The following PITPNC1 variants were observed in gnomAD, a reference collection of about 807,000 sequenced individuals.
PITPNC1 encodes the protein cytoplasmic phosphatidylinositol transfer protein 1.
A neutral mutation model predicts 44.7 loss-of-function variants in PITPNC1; 18 were observed. The observed-to-expected ratio is 0.40, with a 90% confidence interval of 0.28 to 0.60. PITPNC1 has a LOEUF of 0.60. PITPNC1 is among the 20% of genes least tolerant of loss of function. The pLI is 0.39. For synonymous variants in PITPNC1, 141 were observed against 149.6 expected (o/e 0.94, Z 0.42); for missense variants, 290 against 418.4 (o/e 0.69, Z 2.68).
intron 5 of PITPNC1, among the ~76,000 whole-genome samples, chr17:67,618,589 A>G (rs190305818): frequency 1.5e-3 from 234 of 151,794 alleles, no homozygotes; most frequent in African/African-American, 5.2e-3. Context: ...CGGCTCTACT[A>G]AAAATACAAA....
intron 4 of PITPNC1, among the ~76,000 whole-genome samples, chr17:67,575,794 CCTT>C (rs1301468222): frequency 0.052 from 907 of 17,308 alleles, 17 homozygotes; most frequent in African/African-American, 0.12. Context: ...TTCTTTCTTT[CCTT>C]CTTTCTTTCT....
At chr17:67,609,569 C>T (rs1036611873) in intron 5 of PITPNC1, among the ~76,000 whole-genome samples, 9 of 151,962 alleles carry the variant, frequency 5.9e-5, no homozygotes, top group Non-Finnish European at 1.2e-4. Flanking sequence ...GGTTTATAGG[C>T]GTGAACCACC....
intron 1 of PITPNC1, among the ~76,000 whole-genome samples, chr17:67,449,756 A>G (rs1217674103): frequency 6.6e-6 from 1 of 152,236 alleles, no homozygotes; most frequent in Non-Finnish European, 1.5e-5. Flanking sequence ...ACGAAAGCTA[A>G]TTTATCTTTT....
intron 1 of PITPNC1, among the ~76,000 whole-genome samples, chr17:67,402,630 A>G (rs2143824203): frequency 1.3e-5 from 2 of 152,266 alleles, no homozygotes; most frequent in South Asian, 4.1e-4. Flanking sequence ...AATGAATGGC[A>G]TCCACTAGTT....
At chr17:67,682,158 G>A (rs190112323) in intron 8 of PITPNC1, among the ~76,000 whole-genome samples, 41 of 151,948 alleles carry the variant, frequency 2.7e-4, no homozygotes, top group Admixed American at 5.2e-4. Context: ...CCGAGATGGC[G>A]CCACTGCACT....
intron 1 of PITPNC1, among the ~76,000 whole-genome samples, chr17:67,385,718 G>C (rs2038036969): frequency 6.7e-6 from 1 of 150,290 alleles, no homozygotes. Context: ...GGACAGTGGA[G>C]GTTTGGCTAG....
intron 1 of PITPNC1, among the ~76,000 whole-genome samples, chr17:67,396,366 A>C (rs186833957): frequency 2.6e-4 from 40 of 151,586 alleles, no homozygotes; most frequent in Admixed American, 6.6e-4. Context: ...TTTTATTTTT[A>C]TTTTTCTTTC....
At chr17:67,559,332 T>C (rs1257900686) in intron 4 of PITPNC1, among the ~76,000 whole-genome samples, 1 of 152,214 alleles carries the variant, frequency 6.6e-6, no homozygotes, top group African/African-American at 2.4e-5. Context: ...GGCTATCTCA[T>C]CTACGATGTA....
Position 67,593,073 on chromosome 17 carries a change from C to G in PITPNC1, c.366+14816C>G, listed in dbSNP as rs118121027. 5.7e-3 allele frequency among the ~76,000 whole-genome samples: 873 copies of G among 152,232 alleles called. 4 individuals are homozygous for G. The highest frequency in any genetic ancestry group is 1.0e-2 in the Non-Finnish European group (679 of 68,008). ...GAAAGAAAAGAATGGATCCCTACCT[C>G]ACTCCATATTCAAAAATAAATTCCA... On this transcript the variant is annotated intron_variant, in intron 5 of 8. Transcript: ENST00000581322.
At chr17:67,422,899 G>C (rs1306631980) in intron 1 of PITPNC1, among the ~76,000 whole-genome samples, 1 of 152,018 alleles carries the variant, frequency 6.6e-6, no homozygotes, top group Non-Finnish European at 1.5e-5. Flanking sequence ...CAGTGTCTTT[G>C]GTGTGATATA....
At chr17:67,502,833 C>T (rs1598749595) in intron 1 of PITPNC1, among the ~76,000 whole-genome samples, 1 of 150,074 alleles carries the variant, frequency 6.7e-6, no homozygotes, top group African/African-American at 2.5e-5. Flanking sequence ...TGCTCTGTCA[C>T]CCAGGCTGGA....
chr17:67,400,399 A>T (rs2038289978), intron 1 of PITPNC1, among the ~76,000 whole-genome samples: 1 of 152,232 alleles, frequency 6.6e-6, no homozygotes, highest in Non-Finnish European at 1.5e-5. Flanking sequence ...CCAAAATAAC[A>T]GCCTAACAGG....
rs147917014 is a variant in PITPNC1, at chr17:67,559,529, A to G, written c.294+5912A>G. ...GACCAGGCCAAAGAAACAGTCCTCC[A>G]GTTGGGGGCACTGATGAGCAAGGCA... On this transcript the variant is annotated intron_variant, in intron 4 of 8. Transcript: ENST00000581322. Among the ~76,000 whole-genome samples, 734 of 152,314 alleles carry G rather than the reference A, an allele frequency of 4.8e-3. 7 individuals carry two copies. The highest frequency in any genetic ancestry group is 0.017 in the African/African-American group (692 of 41,564).
At chr17:67,660,366 C>G (rs894506502) in intron 6 of PITPNC1, among the ~76,000 whole-genome samples, 1 of 152,162 alleles carries the variant, frequency 6.6e-6, no homozygotes, top group Non-Finnish European at 1.5e-5. Flanking sequence ...CATGTTGTCT[C>G]TGCCCTGGAC....
chr17:67,599,396 G>A (rs1176348132), intron 5 of PITPNC1, among the ~76,000 whole-genome samples: 2 of 152,048 alleles, frequency 1.3e-5, no homozygotes, highest in Non-Finnish European at 2.9e-5. Context: ...GAGAACAGAG[G>A]ATATTACCCA....
At chr17:67,593,977 C>T (rs1219992432) in intron 5 of PITPNC1, among the ~76,000 whole-genome samples, 1 of 152,114 alleles carries the variant, frequency 6.6e-6, no homozygotes, top group African/African-American at 2.4e-5. Flanking sequence ...GTGGATGGTG[C>T]CTTGGTGGGT....
At chr17:67,571,481 C>A (rs1368787832) in intron 4 of PITPNC1, among the ~76,000 whole-genome samples, 2 of 152,186 alleles carry the variant, frequency 1.3e-5, no homozygotes. Flanking sequence ...TGTTATCTTG[C>A]AGTTTCCATG....
At chr17:67,391,867 AGAG>A (rs2038143884) in intron 1 of PITPNC1, among the ~76,000 whole-genome samples, 1 of 152,194 alleles carries the variant, frequency 6.6e-6, no homozygotes, top group Admixed American at 6.6e-5. Context: ...TGTCCCAGTA[AGAG>A]AAGAAAGTGG....
At chr17:67,405,048 G>C (rs1337307063) in intron 1 of PITPNC1, among the ~76,000 whole-genome samples, 1 of 151,924 alleles carries the variant, frequency 6.6e-6, no homozygotes, top group African/African-American at 2.4e-5. Flanking sequence ...GGAGTTCGAG[G>C]CTAGCCTGGC....
Sources: gnomAD v4.1 joint callset for allele counts (sites outside exome capture counted in the v4.1 genomes callset) on GRCh38, gnomAD v4.1.1 for gene constraint, MANE v1.5 for transcripts, NCBI Gene and HGNC (gene_info 2026-07-23, HGNC 2026-07-21) for gene names.